UBAP2: variants seen among roughly 807,000 people sequenced by gnomAD.
The protein encoded by UBAP2 is ubiquitin associated protein 2, also known as ubiquitin-associated protein 2.
Under a neutral mutation model 139.6 loss-of-function variants are expected in UBAP2, and 75 were observed. The ratio of observed to expected loss-of-function variants is 0.54; its 90% confidence interval spans 0.45 to 0.65. The LOEUF is 0.65. Ranked by LOEUF, UBAP2 falls within the 30% of genes least tolerant of loss-of-function variation. The pLI is 0.00. For missense variants in UBAP2, 1,368 were observed against 1,369.6 expected (o/e 1.00, Z 0.02); for synonymous variants, 526 against 526.2 (o/e 1.00, Z 0.01).
chr9:33,997,104 C>G (rs967682669), intron 3 of UBAP2: 1 of 152,146 alleles, frequency 6.6e-6, no homozygotes, highest in Non-Finnish European at 1.5e-5. Context: ...TAAAGTCTTA[C>G]AAGTGGAATT....
chr9:34,017,843 C>T (rs1000007363), intron 1 of UBAP2, among the ~76,000 whole-genome samples: 1 of 151,528 alleles, frequency 6.6e-6, no homozygotes, highest in African/African-American at 2.4e-5. Flanking sequence ...AGGAGAATGG[C>T]GTGAACCCGG....
intron 1 of UBAP2, among the ~76,000 whole-genome samples, chr9:34,031,121 T>C (rs12349903): frequency 0.016 from 2,387 of 150,966 alleles, 70 homozygotes; most frequent in African/African-American, 0.055. Flanking sequence ...CTACTAAACA[T>C]ACAAAACTTA....
At chr9:34,010,552 A>C (rs1156942786) in intron 2 of UBAP2, among the ~76,000 whole-genome samples, 1 of 152,166 alleles carries the variant, frequency 6.6e-6, no homozygotes, top group African/African-American at 2.4e-5. Flanking sequence ...AAAAACTTAG[A>C]TAAAATAATG....
chr9:33,967,144 A>T (rs1827528595), intron 8 of UBAP2, among the ~76,000 whole-genome samples: 2 of 152,168 alleles, frequency 1.3e-5, no homozygotes, highest in Admixed American at 6.5e-5. Flanking sequence ...AGCTATTAGC[A>T]ATTTTTTTCC....
At chr9:33,939,206 T>TTTTTTTTTTC (rs575154458) in intron 16 of UBAP2, among the ~76,000 whole-genome samples, 1 of 138,316 alleles carries the variant, frequency 7.2e-6, no homozygotes, top group Non-Finnish European at 1.6e-5. Context: ...TTTTTTTTTT[T>TTTTTTTTTTC]TTTTTGAGAT....
rs753849542 is a variant in UBAP2 at position 34,017,075 on chromosome 9, G to A, written c.74C>T (p.Thr25Met). The A allele has an allele frequency of 6.8e-6, 11 of 1,607,146 alleles. 1 individual carries two copies. Among genetic ancestry groups the A allele is most frequent in the African/African-American group, 2.7e-5 (2 of 74,326 alleles). Residue 25 changes from threonine (T) to methionine (M), a missense_variant, in exon 2 of 29, where the codon ACG becomes ATG. Transcript: ENST00000379238. ...EKPQISAAQS[T>M]QPQKQVVQAT... is the part of the protein sequence containing the mutation. ...CTGTACCACTTGTTTCTGTGGTTGC[G>A]TTGATTGTGCTGCTGAAATCTGTGG...
rs1047748000 is a variant in UBAP2, at chr9:33,953,228, T to C, written c.1056+57A>G. 3 of 1,464,834 alleles carry C rather than the reference T, an allele frequency of 2.0e-6. No individual in the cohort carries two copies. The African/African-American group carries it at 4.2e-5, about 21-fold the overall frequency. 90.7% of individuals were successfully genotyped at this position (1,464,834 alleles called of 1,614,324 possible). ...ATAAAGCATGTATCATATTCTAGAATACATTTGCTAATGGGTATATTTCTT... is the reference window on the plus strand; with the variant it reads ...ATAAAGCATGTATCATATTCTAGAACACATTTGCTAATGGGTATATTTCTT... On this transcript the variant is annotated intron_variant, in intron 12 of 28. Transcript: ENST00000379238.
intron 10 of UBAP2, among the ~76,000 whole-genome samples, chr9:33,959,257 G>A (rs1247908883): frequency 2.6e-5 from 4 of 152,198 alleles, no homozygotes; most frequent in East Asian, 1.9e-4. Flanking sequence ...TACTGTGTGT[G>A]AAGGAGTAGT....
rs181304971 is a variant in UBAP2, at chr9:33,995,128, G to A, written c.288+1095C>T. 707 of 152,114 alleles carry A rather than the reference G, an allele frequency of 4.6e-3. 2 individuals are homozygous for A. The highest frequency in any genetic ancestry group is 6.9e-3 in the Non-Finnish European group (472 of 68,090). The allele number at this position is 152,114 out of a possible 1,614,324, so 9.4% of individuals were successfully genotyped here. A position where few individuals can be genotyped will look rare whatever the true frequency, so the allele number is the denominator to read the frequency against. ...TCCCAACACTTTGGGAGGCCAAGAC[G>A]GGTGGATCACCTGAGGTCAGGAGTT... On this transcript the variant is annotated intron_variant, in intron 4 of 28. Transcript: ENST00000379238.
chr9:34,012,639 T>TA (rs1342733528), intron 2 of UBAP2, among the ~76,000 whole-genome samples: 2 of 152,090 alleles, frequency 1.3e-5, no homozygotes, highest in Non-Finnish European at 2.9e-5. Flanking sequence ...CCTTGTTTTT[T>TA]AAAAAACACT....
intron 6 of UBAP2, among the ~76,000 whole-genome samples, chr9:33,975,573 C>T (rs533733459): frequency 1.4e-4 from 21 of 150,392 alleles, no homozygotes; most frequent in African/African-American, 3.7e-4. Context: ...CCGAGACGGA[C>T]GGATCACAAG....
In UBAP2 at chr9:33,922,584, G is replaced by A. The variant is rs138140692; in HGVS notation, c.3280C>T (p.Arg1094Cys). The A allele has an allele frequency of 1.8e-4, 291 of 1,612,902 alleles. 1 individual carries two copies. Among genetic ancestry groups the A allele is most frequent in the Non-Finnish European group, 2.3e-4 (274 of 1,179,670 alleles). ...GGCTGCAGGGAGCTGGGCTGGCTGC[G>A]CTGACCCGAGCCACTCTGAGGAAGA... is the stretch of plus-strand genomic sequence containing the variant. Reference protein sequence around the residue: ...PQDAQSGSGQRSQPSSLQPKS... With the variant: ...PQDAQSGSGQCSQPSSLQPKS... The change falls in exon 29 of 29, where the codon CGC (arginine) becomes TGC (cysteine). Residue 1094 changes from arginine (R) to cysteine (C), a missense_variant. Physicochemically the swap from Arg to Cys is radical, Grantham distance 180. Transcript: ENST00000379238.
chr9:33,950,905 A>G (rs960859905), intron 12 of UBAP2, among the ~76,000 whole-genome samples: 1 of 152,268 alleles, frequency 6.6e-6, no homozygotes, highest in Non-Finnish European at 1.5e-5. Context: ...ACATGTGCAT[A>G]CATGCACATA....
intron 1 of UBAP2, among the ~76,000 whole-genome samples, chr9:34,029,826 A>G (rs1290474426): frequency 2.0e-5 from 3 of 151,066 alleles, no homozygotes; most frequent in Admixed American, 6.6e-5. Context: ...CATCTCTACT[A>G]AAAATACAAA....
intron 1 of UBAP2, among the ~76,000 whole-genome samples, chr9:34,037,997 CAAAA>C (rs72361484): frequency 4.6e-5 from 4 of 87,392 alleles, no homozygotes; most frequent in African/African-American, 1.3e-4. Flanking sequence ...CCTGTCTCTA[CAAAA>C]AAAAAAAAAA....
At chr9:34,030,978 C>T (rs183947827) in intron 1 of UBAP2, among the ~76,000 whole-genome samples, 1 of 152,208 alleles carries the variant, frequency 6.6e-6, no homozygotes, top group African/African-American at 2.4e-5. Flanking sequence ...GGCACTGTAG[C>T]TCCTGCCTAT....
intron 19 of UBAP2, among the ~76,000 whole-genome samples, chr9:33,930,895 CAAAAAAAAAAAAA>C (rs57202118): frequency 2.7e-5 from 2 of 73,252 alleles, no homozygotes; most frequent in Non-Finnish European, 4.9e-5. Flanking sequence ...GACTGCATCT[CAAAAAAAAAAAAA>C]AAAAAAAAAA....
At chr9:33,955,951 A>G (rs1826524910) in intron 11 of UBAP2, 128 bp downstream of exon 11, 1 of 659,908 alleles carries the variant, frequency 1.5e-6, no homozygotes, top group Non-Finnish European at 2.6e-6. Context: ...GTAGTGGTAA[A>G]ATAAAAGTTA....
intron 1 of UBAP2, among the ~76,000 whole-genome samples, chr9:34,024,711 C>T (rs1166189711): frequency 2.6e-5 from 4 of 152,100 alleles, no homozygotes; most frequent in East Asian, 3.9e-4. Flanking sequence ...AAGCCAGGCG[C>T]GGTGGCTAAT....
Sources: allele counts gnomAD v4.1 joint callset (sites outside exome capture counted in the v4.1 genomes callset), GRCh38; gene constraint gnomAD v4.1.1; transcripts MANE v1.5; gene names NCBI Gene and HGNC (gene_info 2026-07-23, HGNC 2026-07-21).